Variants in ZCRB1 observed in about 807,000 individuals in gnomAD.
ZCRB1 encodes zinc finger CCHC-type and RNA-binding motif-containing protein 1.
A neutral mutation model predicts 29.9 loss-of-function variants in ZCRB1; 21 were observed. That is an observed-to-expected ratio of 0.70 (90% CI 0.50 to 1.01). The LOEUF (loss-of-function observed/expected upper bound fraction) is 1.01, where lower values mean the gene tolerates loss of function less well. Among genes scored for constraint, ZCRB1 ranks in the 50% least tolerant of loss-of-function variants. ZCRB1 has a pLI of 0.00. For synonymous variants in ZCRB1, 77 were observed against 80.0 expected, an observed-to-expected ratio of 0.96 and a Z score of 0.20; for missense variants, 204 against 253.3, an observed-to-expected ratio of 0.81 and a Z score of 1.32.
chr12:42,321,063 T>C (rs1227082904), intron 3 of ZCRB1, among the ~76,000 whole-genome samples: 1 of 152,200 alleles, frequency 6.6e-6, no homozygotes, highest in South Asian at 2.1e-4. Context: ...ACCTGAAATA[T>C]TCCTCCCTTA....
chr12:42,322,310 T>C, intron 3 of ZCRB1, 108 bp downstream of exon 3: 1 of 1,084,422 alleles, frequency 9.2e-7, no homozygotes, highest in East Asian at 3.1e-5. Flanking sequence ...GTATTTTCTT[T>C]ATTATATCAA....
At chr12:42,314,112 T>G in intron 5 of ZCRB1, 126 bp from the exon 6 acceptor site, 1 of 854,810 alleles carries the variant, frequency 1.2e-6, no homozygotes, top group Non-Finnish European at 1.8e-6. Context: ...ACTGGGACTA[T>G]ACAGAAGACA....
At chr12:42,318,378 C>A (rs112014670) in intron 3 of ZCRB1, among the ~76,000 whole-genome samples, 2 of 152,200 alleles carry the variant, frequency 1.3e-5, no homozygotes, top group African/African-American at 4.8e-5. Context: ...ACCTGTAGTT[C>A]CAGCTACTTG....
intron 3 of ZCRB1, among the ~76,000 whole-genome samples, 193 bp downstream of exon 3, chr12:42,322,225 A>G (rs2068625274): frequency 6.8e-6 from 1 of 147,514 alleles, no homozygotes; most frequent in Non-Finnish European, 1.5e-5. Context: ...GTATGTATGT[A>G]ATAGTCTTTA....
chr12:42,325,069 G>T (rs1315852213), intron 1 of ZCRB1, among the ~76,000 whole-genome samples: 1 of 152,186 alleles, frequency 6.6e-6, no homozygotes, highest in Non-Finnish European at 1.5e-5. Flanking sequence ...TTAATGTAGT[G>T]AATAATGTAG....
intron 3 of ZCRB1, 149 bp downstream of exon 3, chr12:42,322,269 A>C: frequency 1.3e-6 from 1 of 794,736 alleles, no homozygotes; most frequent in South Asian, 2.1e-5. Context: ...GTACATGGAA[A>C]ACCAACTAAA....
intron 5 of ZCRB1, among the ~76,000 whole-genome samples, chr12:42,314,399 A>T (rs2068584798): frequency 3.8e-5 from 1 of 26,222 alleles, no homozygotes; most frequent in South Asian, 1.9e-3. Flanking sequence ...GTCTCTACTA[A>T]AAAAAAAAAA....
At chr12:42,324,273 C>A (rs1342767856) in intron 1 of ZCRB1, among the ~76,000 whole-genome samples, 169 bp from the exon 2 acceptor site, 1 of 152,136 alleles carries the variant, frequency 6.6e-6, no homozygotes, top group Non-Finnish European at 1.5e-5. Context: ...CTCAGCCTCC[C>A]GAGTAGCTGG....
chr12:42,324,215 C>T, intron 1 of ZCRB1, 111 bp from the exon 2 acceptor site: 2 of 851,892 alleles, frequency 2.3e-6, no homozygotes, highest in Non-Finnish European at 3.9e-6. Flanking sequence ...ATGGCGTGAT[C>T]TCGGCTCACT....
chr12:42,315,678 AT>A (rs2068591500), intron 5 of ZCRB1, among the ~76,000 whole-genome samples: 1 of 152,204 alleles, frequency 6.6e-6, no homozygotes, highest in South Asian at 2.1e-4. Context: ...AAAGGAACCG[AT>A]TAACAGATTC....
intron 2 of ZCRB1, among the ~76,000 whole-genome samples, chr12:42,323,167 T>C (rs1281013864): frequency 6.6e-6 from 1 of 152,176 alleles, no homozygotes; most frequent in Non-Finnish European, 1.5e-5. Context: ...TAACGAATTT[T>C]TTCGTTCTAT....
chr12:42,324,198 G>C, intron 1 of ZCRB1, 94 bp from the exon 2 acceptor site: 1 of 1,161,224 alleles, frequency 8.6e-7, no homozygotes, highest in East Asian at 2.4e-5. Flanking sequence ...GCCCAGGCTG[G>C]GGTGCAATGG....
At chr12:42,317,720 A>C in intron 4 of ZCRB1, 67 bp downstream of exon 4, 1 of 1,357,888 alleles carries the variant, frequency 7.4e-7, no homozygotes, top group Non-Finnish European at 1.0e-6. Context: ...CTATATCCCC[A>C]CATTTTTGGC....
intron 3 of ZCRB1, among the ~76,000 whole-genome samples, chr12:42,318,340 C>A (rs1424503084): frequency 6.6e-6 from 1 of 152,062 alleles, no homozygotes; most frequent in Non-Finnish European, 1.5e-5. Context: ...AGGAAAAAAA[C>A]CCTCCAGAGC....
At chr12:42,324,747 T>C (rs1475067982) in intron 1 of ZCRB1, among the ~76,000 whole-genome samples, 3 of 152,206 alleles carry the variant, frequency 2.0e-5, no homozygotes, top group African/African-American at 4.8e-5. Flanking sequence ...GGAGACGGGT[T>C]TTGAACAGAT....
At chr12:42,319,774 A>C (rs2068612148) in intron 3 of ZCRB1, among the ~76,000 whole-genome samples, 3 of 152,244 alleles carry the variant, frequency 2.0e-5, no homozygotes, top group African/African-American at 7.2e-5. Context: ...ATATGTGCCC[A>C]GCTCAATATG....
At chr12:42,319,775 G>C (rs1226649067) in intron 3 of ZCRB1, among the ~76,000 whole-genome samples, 1 of 152,144 alleles carries the variant, frequency 6.6e-6, no homozygotes, top group African/African-American at 2.4e-5. Flanking sequence ...TATGTGCCCA[G>C]CTCAATATGT....
intron 7 of ZCRB1, 35 bp from the exon 8 acceptor site, chr12:42,313,233 T>A: frequency 6.3e-7 from 1 of 1,580,728 alleles, no homozygotes; most frequent in South Asian, 1.2e-5. Flanking sequence ...ACCAATAACC[T>A]GTTTAATATT....
At position 42,313,768 on chromosome 12, in the gene ZCRB1, T is replaced by A. The variant is rs750669996; in HGVS notation, c.447-3A>T. 3 of 1,613,730 alleles carry A rather than the reference T, an allele frequency of 1.9e-6. No homozygotes were observed. The highest frequency in any genetic ancestry group is 1.7e-6 in the Non-Finnish European group (2 of 1,179,920). ...CTTCACTTTCTTCTACTTCCTCACTTAAATAAAGAAAAACAAATTGGAATG... is the reference window on the plus strand; with the variant it reads ...CTTCACTTTCTTCTACTTCCTCACTAAAATAAAGAAAAACAAATTGGAATG... On this transcript the variant is annotated splice_region_variant and splice_polypyrimidine_tract_variant and intron_variant, in intron 6 of 7. Coordinates refer to ENST00000266529, the MANE Select transcript of ZCRB1 (RefSeq NM_033114.4).
Sources: allele counts gnomAD v4.1 joint callset (sites outside exome capture counted in the v4.1 genomes callset), GRCh38; gene constraint gnomAD v4.1.1; transcripts MANE v1.5; gene names NCBI Gene and HGNC (gene_info 2026-07-23, HGNC 2026-07-21).